The following DPYD variants were observed in gnomAD, a reference collection of about 807,000 sequenced individuals.
DPYD encodes dihydropyrimidine dehydrogenase [NADP(+)].
A neutral mutation model predicts 116.2 loss-of-function variants in DPYD; 109 were observed. The ratio of observed to expected loss-of-function variants is 0.94; its 90% CI spans 0.80 to 1.10. The LOEUF (loss-of-function observed/expected upper bound fraction) is 1.10. DPYD is among the 50% of genes least tolerant of loss of function. The pLI is 0.00. For missense variants in DPYD, 1,302 were observed against 1,254.5 expected, an observed-to-expected ratio of 1.04 and a Z score of -0.57; for synonymous variants, 440 against 432.0, an observed-to-expected ratio of 1.02 and a Z score of -0.23.
intron 16 of DPYD, among the ~76,000 whole-genome samples, chr1:97,365,358 T>G (rs979038347): frequency 6.6e-6 from 1 of 152,212 alleles, no homozygotes; most frequent in Non-Finnish European, 1.5e-5. Context: ...CTATTATTCT[T>G]CTGTGACATT....
At chr1:97,662,281 T>C (rs993438279) in intron 8 of DPYD, among the ~76,000 whole-genome samples, 6 of 151,636 alleles carry the variant, frequency 4.0e-5, no homozygotes, top group African/African-American at 1.5e-4. Flanking sequence ...GGATTACAGG[T>C]GTCAGCCACC....
intron 14 of DPYD, among the ~76,000 whole-genome samples, chr1:97,387,930 A>G (rs1218163832): frequency 1.3e-5 from 2 of 152,114 alleles, no homozygotes; most frequent in Non-Finnish European, 2.9e-5. Flanking sequence ...AGAAAGGTTT[A>G]AAGGAGGGTG....
chr1:97,557,194 G>C (rs868412097), intron 11 of DPYD, among the ~76,000 whole-genome samples: 10 of 151,656 alleles, frequency 6.6e-5, no homozygotes, highest in African/African-American at 2.2e-4. Flanking sequence ...CCCACTTTTT[G>C]ATGGGGCTGT....
Position 97,696,168 on chromosome 1 carries a change from A to G in DPYD, c.680+3183T>C, listed in dbSNP as rs182111434. 1.7e-3 allele frequency among the ~76,000 whole-genome samples: 263 copies of G among 152,022 alleles called. 1 individual carries two copies. The highest frequency in any genetic ancestry group is 6.0e-3 in the African/African-American group (250 of 41,502). ...AAAAAAGAAAAGAAAAAAAGAAAAA[A>G]AAAAGGAAACTGAGAGGTAAAGGAT... On this transcript the variant is annotated intron_variant, in intron 6 of 22. Transcript: ENST00000370192.
At chr1:97,547,309 A>C (rs891235719) in intron 12 of DPYD, among the ~76,000 whole-genome samples, 5 of 152,188 alleles carry the variant, frequency 3.3e-5, no homozygotes, top group Non-Finnish European at 5.9e-5. Flanking sequence ...CAGGAAATGC[A>C]GAAGGAGGCA....
chr1:97,661,620 A>G (rs1659262962), intron 8 of DPYD, among the ~76,000 whole-genome samples: 1 of 152,190 alleles, frequency 6.6e-6, no homozygotes. Flanking sequence ...CTATGGAAGA[A>G]GCAAACTTAA....
chr1:97,224,646 C>G (rs1303297274), intron 19 of DPYD, among the ~76,000 whole-genome samples: 1 of 151,858 alleles, frequency 6.6e-6, no homozygotes, highest in Non-Finnish European at 1.5e-5. Context: ...TATCCTTGAA[C>G]TGCATCTCTT....
intron 13 of DPYD, among the ~76,000 whole-genome samples, chr1:97,481,359 T>TAAATAATTGTTGTTTA (rs1400387839): frequency 6.6e-6 from 1 of 152,200 alleles, no homozygotes; most frequent in Non-Finnish European, 1.5e-5. Context: ...GTGTGTGAAC[T>TAAATAATTGTTGTTTA]GTTGTTGAGA....
intron 14 of DPYD, among the ~76,000 whole-genome samples, chr1:97,441,076 C>T (rs951977656): frequency 5.3e-5 from 8 of 152,082 alleles, no homozygotes; most frequent in Non-Finnish European, 8.8e-5. Flanking sequence ...TTTTTCTGTA[C>T]AGAACATGTC....
intron 20 of DPYD, among the ~76,000 whole-genome samples, chr1:97,164,435 G>C (rs1043206922): frequency 1.4e-4 from 22 of 152,198 alleles, no homozygotes; most frequent in African/African-American, 4.3e-4. Context: ...AGAGCAATTA[G>C]GCAAGAGAAA....
chr1:97,391,505 T>C (rs12040763), intron 14 of DPYD, among the ~76,000 whole-genome samples: 29,073 of 151,826 alleles, frequency 0.19, 2,950 homozygotes, highest in South Asian at 0.36. Context: ...AAGGATTCTG[T>C]GTTACCTTGT....
intron 5 of DPYD, chr1:97,720,916 AGG>A (rs1231288106): frequency 6.2e-7 from 1 of 1,609,884 alleles, no homozygotes; most frequent in South Asian, 1.1e-5. Context: ...AGAGAAAGCC[AGG>A]ATCAAAGTCT....
intron 13 of DPYD, among the ~76,000 whole-genome samples, chr1:97,505,493 A>G (rs1160694466): frequency 1.3e-5 from 2 of 151,402 alleles, no homozygotes; most frequent in African/African-American, 4.8e-5. Flanking sequence ...AAAAATTAAA[A>G]TTATAAAATA....
At chr1:97,159,846 A>ATATGATTATTGTTATTGATTAT (rs757266419) in intron 20 of DPYD, among the ~76,000 whole-genome samples, 52 of 152,206 alleles carry the variant, frequency 3.4e-4, no homozygotes, top group Non-Finnish European at 6.3e-4. Flanking sequence ...TTAAATAACA[A>ATATGATTATTGTTATTGATTAT]AACAGACATA....
chr1:97,810,163 T>C lies in DPYD; in HGVS notation c.233+17951A>G, dbSNP rs550236014. ...TTAGCCGGGTGTGGTGGCGGGCGCC[T>C]GTAGTCCCAGCTACTTGGGAGGCTG... On this transcript the variant is annotated intron_variant, in intron 3 of 22. Coordinates refer to ENST00000370192, the MANE Select transcript of DPYD (RefSeq NM_000110.4). 5.0e-3 allele frequency among the ~76,000 whole-genome samples: 763 copies of C among 151,206 alleles called. 7 individuals carry two copies. Among genetic ancestry groups the C allele is most frequent in the African/African-American group, 0.017 (706 of 41,190 alleles).
chr1:97,176,868 A>ATGTGTGTGTGGGTG, intron 20 of DPYD, among the ~76,000 whole-genome samples: 1 of 146,680 alleles, frequency 6.8e-6, no homozygotes, highest in East Asian at 2.1e-4. Flanking sequence ...GGACAAAAAA[A>ATGTGTGTGTGGGTG]TGTGTGTGTG....
At chr1:97,685,476 T>G (rs1660668271) in intron 7 of DPYD, among the ~76,000 whole-genome samples, 1 of 152,124 alleles carries the variant, frequency 6.6e-6, no homozygotes, top group African/African-American at 2.4e-5. Flanking sequence ...CAACACAGTA[T>G]TGGAAGCTCT....
At position 97,255,708 on chromosome 1, in the gene DPYD, G is replaced by GTTTT. The variant is rs11428644; in HGVS notation, c.2300-20718_2300-20715dup. On this transcript the variant is annotated intron_variant, in intron 18 of 22. Coordinates refer to ENST00000370192, the MANE Select transcript of DPYD (RefSeq NM_000110.4). ...AGGGGTAGGTATTTTTATTTTTGCC[G>GTTTT]TTTTTTTTTTTCAGATGGGAAAACA... Among the ~76,000 whole-genome samples the GTTTT allele has an allele frequency of 5.2e-3, 782 of 149,248 alleles. 14 individuals carry two copies. Among genetic ancestry groups the GTTTT allele is most frequent in the African/African-American group, 0.019 (755 of 40,656 alleles).
At chr1:97,769,254 G>C (rs1290363117) in intron 3 of DPYD, among the ~76,000 whole-genome samples, 1 of 151,992 alleles carries the variant, frequency 6.6e-6, no homozygotes. Flanking sequence ...CATTCCCAAA[G>C]AATACAAGAA....
Sources: gnomAD v4.1 joint callset for allele counts (sites outside exome capture counted in the v4.1 genomes callset) on GRCh38, gnomAD v4.1.1 for gene constraint, MANE v1.5 for transcripts, NCBI Gene and HGNC (gene_info 2026-07-23, HGNC 2026-07-21) for gene names.